Variants in CDH13 observed in about 807,000 individuals in gnomAD.
CDH13 encodes the protein cadherin-13.
A neutral mutation model predicts 63.8 loss-of-function variants in CDH13; 24 were observed. The observed-to-expected ratio is 0.38, with a 90% CI of 0.27 to 0.53. The LOEUF (loss-of-function observed/expected upper bound fraction) is 0.53. Among genes scored for constraint, CDH13 ranks in the 20% least tolerant of loss-of-function variants. The probability of loss-of-function intolerance (pLI) is 0.85; values close to 1 mark genes in which losing one functional copy is unlikely to be tolerated. For missense variants in CDH13, 1,049 were observed against 903.1 expected (o/e 1.16, Z -2.07); for synonymous variants, 503 against 355.3 (o/e 1.42, Z -4.67).
chr16:83,360,416 G>A (rs962028012), intron 6 of CDH13, among the ~76,000 whole-genome samples: 5 of 151,864 alleles, frequency 3.3e-5, no homozygotes, highest in African/African-American at 1.2e-4. Context: ...ATTTTAGTTG[G>A]TTTGATTGTT....
chr16:82,901,484 C>T (rs955268663), intron 2 of CDH13, among the ~76,000 whole-genome samples: 1 of 151,892 alleles, frequency 6.6e-6, no homozygotes, highest in Non-Finnish European at 1.5e-5. Context: ...AAAGCTAAAA[C>T]AGAAATACTT....
At chr16:83,076,445 T>C (rs1186104977) in intron 3 of CDH13, among the ~76,000 whole-genome samples, 1 of 152,172 alleles carries the variant, frequency 6.6e-6, no homozygotes, top group East Asian at 1.9e-4. Context: ...TTGCATGGCA[T>C]TAAGGGAGCC....
At chr16:82,633,781 A>G (rs569517046) in intron 1 of CDH13, among the ~76,000 whole-genome samples, 1 of 152,332 alleles carries the variant, frequency 6.6e-6, no homozygotes, top group Non-Finnish European at 1.5e-5. Context: ...GCCGTTCTAC[A>G]TACAGTGTTA....
intron 7 of CDH13, among the ~76,000 whole-genome samples, chr16:83,499,498 C>A (rs565600643): frequency 6.6e-6 from 1 of 152,232 alleles, no homozygotes; most frequent in Non-Finnish European, 1.5e-5. Context: ...CTTGAACAAC[C>A]AGTAACCATA....
chr16:83,070,866 C>CG (rs974395761), intron 3 of CDH13, among the ~76,000 whole-genome samples: 1 of 145,560 alleles, frequency 6.9e-6, no homozygotes, highest in Non-Finnish European at 1.5e-5. Flanking sequence ...CCCCCCCCCC[C>CG]CCAAATATCA....
Position 83,264,172 on chromosome 16 carries a change from C to A in CDH13, c.636+46675C>A, listed in dbSNP as rs113406443. On this transcript the variant is annotated intron_variant, in intron 5 of 13. Transcript: ENST00000567109. ...GACATAGGGTATAAATTGCTGCTGC[C>A]CAACCCTGAATACATTTTTTTTCAT... 3.2e-3 allele frequency among the ~76,000 whole-genome samples: 482 copies of A among 152,248 alleles called. 1 individual carries two copies. Among genetic ancestry groups the A allele is most frequent in the Admixed American group, 5.2e-3 (79 of 15,286 alleles).
At chr16:83,486,287 A>G (rs1232116231) in intron 6 of CDH13, among the ~76,000 whole-genome samples, 190 bp from the exon 7 acceptor site, 1 of 152,222 alleles carries the variant, frequency 6.6e-6, no homozygotes, top group Admixed American at 6.5e-5. Context: ...AGGTCTTTTC[A>G]TGGAATGAAA....
intron 6 of CDH13, among the ~76,000 whole-genome samples, chr16:83,345,602 T>G (rs1348136880): frequency 6.6e-6 from 1 of 152,202 alleles, no homozygotes; most frequent in Non-Finnish European, 1.5e-5. Flanking sequence ...TCTTTTCCCA[T>G]GTTTAACCTT....
chr16:83,410,970 C>T (rs1328344286), intron 6 of CDH13, among the ~76,000 whole-genome samples: 7 of 152,194 alleles, frequency 4.6e-5, no homozygotes, highest in Admixed American at 1.3e-4. Flanking sequence ...TGCCGAAATA[C>T]ACAGCATTAA....
intron 1 of CDH13, among the ~76,000 whole-genome samples, chr16:82,660,133 G>T (rs1414999679): frequency 6.6e-6 from 1 of 152,154 alleles, no homozygotes; most frequent in African/African-American, 2.4e-5. Context: ...TGAGGTTTTG[G>T]GTTTCAGAGG....
chr16:83,632,042 C>G (rs1194116441), intron 8 of CDH13, among the ~76,000 whole-genome samples: 1 of 152,174 alleles, frequency 6.6e-6, no homozygotes, highest in Non-Finnish European at 1.5e-5. Flanking sequence ...TTTGAGAGAA[C>G]AGGATTTTAA....
intron 5 of CDH13, among the ~76,000 whole-genome samples, chr16:83,255,042 A>G (rs1488759800): frequency 8.2e-6 from 1 of 122,642 alleles, no homozygotes; most frequent in East Asian, 2.4e-4. Flanking sequence ...CTCCTCATGC[A>G]TTTTGAAGCT....
Position 82,697,287 on chromosome 16 carries a change from A to G in CDH13, c.45+70150A>G, listed in dbSNP as rs189504050. Among the ~76,000 whole-genome samples the G allele has an allele frequency of 5.3e-4, 80 of 152,276 alleles. 2 individuals carry two copies. Among genetic ancestry groups the G allele is most frequent in the South Asian group, 3.5e-3 (17 of 4,816 alleles). ...TTAAGGTGGTTTGGGTAAAGTTAAT[A>G]GCACAGTTGATCCATATTCCCAGGT... is the stretch of plus-strand genomic sequence containing the variant. On this transcript the variant is annotated intron_variant, in intron 1 of 13. Transcript: ENST00000567109.
chr16:83,406,076 G>A (rs2092039278), intron 6 of CDH13, among the ~76,000 whole-genome samples: 1 of 152,100 alleles, frequency 6.6e-6, no homozygotes, highest in African/African-American at 2.4e-5. Flanking sequence ...GCACATAGTA[G>A]CCCCAAATCA....
At chr16:83,580,988 G>A (rs1171087395) in intron 7 of CDH13, among the ~76,000 whole-genome samples, 2 of 152,180 alleles carry the variant, frequency 1.3e-5, no homozygotes, top group Non-Finnish European at 2.9e-5. Context: ...ATAAAAGAAA[G>A]AAAGATGCAT....
intron 6 of CDH13, among the ~76,000 whole-genome samples, chr16:83,390,589 A>G (rs2091767475): frequency 6.6e-6 from 1 of 151,964 alleles, no homozygotes; most frequent in African/African-American, 2.4e-5. Context: ...TGTTTCTATT[A>G]TCAACAAGAA....
At chr16:83,739,570 C>A (rs1365559591) in intron 10 of CDH13, among the ~76,000 whole-genome samples, 2 of 152,012 alleles carry the variant, frequency 1.3e-5, no homozygotes, top group Admixed American at 1.3e-4. Flanking sequence ...CACAAACCCA[C>A]CTAACTAAGC....
chr16:83,142,855 C>A (rs1159715407), intron 4 of CDH13, among the ~76,000 whole-genome samples: 1 of 152,160 alleles, frequency 6.6e-6, no homozygotes, highest in African/African-American at 2.4e-5. Flanking sequence ...GGAATCCCAG[C>A]CCTTTGGGAG....
chr16:83,324,980 C>T (rs1024240528), intron 5 of CDH13, among the ~76,000 whole-genome samples: 18 of 152,158 alleles, frequency 1.2e-4, no homozygotes, highest in Non-Finnish European at 2.6e-4. Context: ...CTACTTGGTC[C>T]CCCTGGATTT....
Sources: allele counts gnomAD v4.1 joint callset (sites outside exome capture counted in the v4.1 genomes callset), GRCh38; gene constraint gnomAD v4.1.1; transcripts MANE v1.5; gene names NCBI Gene and HGNC (gene_info 2026-07-23, HGNC 2026-07-21).